UQCC1: variants seen among roughly 807,000 people sequenced by gnomAD.
UQCC1 encodes the protein ubiquinol-cytochrome c reductase complex assembly factor 1.
UQCC1 carries 38 observed loss-of-function variants against 48.0 expected under a neutral mutation model. The observed-to-expected ratio is 0.79, with a 90% CI of 0.61 to 1.04. UQCC1 has a LOEUF of 1.04. UQCC1 is among the 50% of genes least tolerant of loss of function. UQCC1 has a pLI of 0.00. For synonymous variants in UQCC1, 111 were observed against 129.2 expected, an observed-to-expected ratio of 0.86 and a Z score of 0.95; for missense variants, 368 against 381.8, an observed-to-expected ratio of 0.96 and a Z score of 0.30.
chr20:35,380,118 T>C (rs1228349897), intron 4 of UQCC1, among the ~76,000 whole-genome samples: 1 of 152,144 alleles, frequency 6.6e-6, no homozygotes, highest in Non-Finnish European at 1.5e-5. Context: ...TTCTTTTTTT[T>C]GTTTTGACTT....
chr20:35,349,992 C>CAACAAACAAACAAACA (rs11474405), intron 6 of UQCC1, among the ~76,000 whole-genome samples: 13 of 150,208 alleles, frequency 8.7e-5, no homozygotes, highest in African/African-American at 2.9e-4. Context: ...GACCCTGTCT[C>CAACAAACAAACAAACA]AACAAACAAA....
At chr20:35,405,367 G>A (rs1401517392) in intron 1 of UQCC1, among the ~76,000 whole-genome samples, 1 of 152,110 alleles carries the variant, frequency 6.6e-6, no homozygotes, top group African/African-American at 2.4e-5. Flanking sequence ...CAAACCCTGG[G>A]AAGGGAAACA....
At chr20:35,393,469 T>C (rs920876806) in intron 2 of UQCC1, among the ~76,000 whole-genome samples, 2 of 142,320 alleles carry the variant, frequency 1.4e-5, no homozygotes, top group Admixed American at 1.5e-4. Flanking sequence ...ACATTACATA[T>C]ACATACACAC....
chr20:35,347,360 A>T (rs765005546), intron 6 of UQCC1, 88 bp from the exon 7 acceptor site: 2 of 1,502,790 alleles, frequency 1.3e-6, no homozygotes. Flanking sequence ...TCTAAGAGTG[A>T]GTTTAGCAAA....
At chr20:35,313,798 G>A (rs1321550611) in intron 8 of UQCC1, among the ~76,000 whole-genome samples, 2 of 151,680 alleles carry the variant, frequency 1.3e-5, no homozygotes, top group Non-Finnish European at 2.9e-5. Flanking sequence ...TTTTGTATCT[G>A]TAGTAGAGAC....
chr20:35,372,326 A>G (rs568217078), intron 5 of UQCC1, among the ~76,000 whole-genome samples: 1 of 151,972 alleles, frequency 6.6e-6, no homozygotes, highest in Non-Finnish European at 1.5e-5. Context: ...AAAAAAGAAA[A>G]AGAAAAAAAG....
chr20:35,312,971 A>G (rs2061010485), intron 8 of UQCC1, among the ~76,000 whole-genome samples: 1 of 152,204 alleles, frequency 6.6e-6, no homozygotes, highest in Non-Finnish European at 1.5e-5. Context: ...AGCTCTGGAG[A>G]TGAATGGTGG....
intron 8 of UQCC1, chr20:35,307,171 G>T (rs142074876): frequency 8.5e-5 from 27 of 316,178 alleles, no homozygotes; most frequent in Middle Eastern, 1.1e-3. Context: ...CACAGGGCAC[G>T]GGCTGGGAAT....
chr20:35,306,479 C>T, intron 9 of UQCC1, 187 bp downstream of exon 9: 1 of 573,992 alleles, frequency 1.7e-6, no homozygotes, highest in Non-Finnish European at 3.1e-6. Context: ...CCATTTCCCG[C>T]TCCCTGGCCC....
chr20:35,337,144 C>G (rs771561224), intron 7 of UQCC1, among the ~76,000 whole-genome samples: 4 of 151,994 alleles, frequency 2.6e-5, no homozygotes, highest in Non-Finnish European at 4.4e-5. Flanking sequence ...CTGTTGGGTC[C>G]CACCCCAGTT....
chr20:35,309,907 C>T (rs1226117613), intron 8 of UQCC1, among the ~76,000 whole-genome samples: 1 of 152,216 alleles, frequency 6.6e-6, no homozygotes, highest in East Asian at 1.9e-4. Context: ...AATCAGTGCA[C>T]ATCTAACAGC....
rs1172467457 is a variant in UQCC1 at position 35,338,856 on chromosome 20, GAAAAAAAA to G, written c.573+8300_573+8307del. ...GAGAAAGCAAGACTCCGTCTCAAAA[GAAAAAAAA>G]AAAAAAAAAAAAAAAAAAAAAAAAA... On this transcript the variant is annotated intron_variant, in intron 7 of 9. Transcript: ENST00000374385. Among the ~76,000 whole-genome samples, 27 of 26,834 alleles carry G rather than the reference GAAAAAAAA, an allele frequency of 1.0e-3. 2 individuals carry two copies. The highest frequency in any genetic ancestry group is 3.0e-3 in the East Asian group (3 of 992). The allele number at this position is 26,834 out of a possible 152,430, so 17.6% of individuals were successfully genotyped here.
At chr20:35,326,581 AT>A (rs1343691853) in intron 7 of UQCC1, among the ~76,000 whole-genome samples, 2 of 152,060 alleles carry the variant, frequency 1.3e-5, no homozygotes, top group Non-Finnish European at 2.9e-5. Flanking sequence ...TTTTCCAGTA[AT>A]TTGTTCACTA....
Position 35,382,750 on chromosome 20 carries a change from T to G in UQCC1, c.226-725A>C, listed in dbSNP as rs150998722. Among the ~76,000 whole-genome samples the G allele has an allele frequency of 3.0e-3, 463 of 152,024 alleles. 1 individual carries two copies. Among genetic ancestry groups the G allele is most frequent in the African/African-American group, 0.011 (448 of 41,470 alleles). On this transcript the variant is annotated intron_variant, in intron 3 of 9. Coordinates refer to ENST00000374385, the MANE Select transcript of UQCC1 (RefSeq NM_018244.5). ...TGGTCTAGATCTCCTGACCGCATGA[T>G]CTGCCCGCCTCGGCCTCCCAAAGTG...
At chr20:35,331,908 T>A (rs1311630872) in intron 7 of UQCC1, among the ~76,000 whole-genome samples, 1 of 152,218 alleles carries the variant, frequency 6.6e-6, no homozygotes, top group Non-Finnish European at 1.5e-5. Flanking sequence ...GTACTTAATA[T>A]GTGCCAAACA....
At chr20:35,331,322 A>G (rs997037871) in intron 7 of UQCC1, among the ~76,000 whole-genome samples, 2 of 152,014 alleles carry the variant, frequency 1.3e-5, no homozygotes, top group Non-Finnish European at 2.9e-5. Flanking sequence ...TGGGAGCAGA[A>G]AGGGGTCAAA....
intron 1 of UQCC1, among the ~76,000 whole-genome samples, chr20:35,400,114 C>T (rs868047166): frequency 1.3e-5 from 2 of 151,656 alleles, no homozygotes; most frequent in Non-Finnish European, 2.9e-5. Flanking sequence ...TCGGTAGAGG[C>T]GGGGTTTCAC....
At chr20:35,398,266 T>A (rs1409496802) in intron 1 of UQCC1, among the ~76,000 whole-genome samples, 1 of 152,232 alleles carries the variant, frequency 6.6e-6, no homozygotes, top group Non-Finnish European at 1.5e-5. Context: ...GAAGTACTGT[T>A]CAGAAGCTAC....
At chr20:35,363,040 A>G (rs185319152) in intron 6 of UQCC1, among the ~76,000 whole-genome samples, 178 of 151,652 alleles carry the variant, frequency 1.2e-3, no homozygotes, top group African/African-American at 4.2e-3. Context: ...AAAAAAAAAA[A>G]AAAAAAAAGA....
Sources: gnomAD v4.1 joint callset for allele counts (sites outside exome capture counted in the v4.1 genomes callset) on GRCh38, gnomAD v4.1.1 for gene constraint, MANE v1.5 for transcripts, NCBI Gene and HGNC (gene_info 2026-07-23, HGNC 2026-07-21) for gene names.